TRIM37: variants seen among roughly 807,000 people sequenced by gnomAD.
TRIM37 encodes tripartite motif containing 37.
Under a neutral mutation model 129.8 loss-of-function variants are expected in TRIM37, and 80 were observed. The ratio of observed to expected loss-of-function variants is 0.62; its 90% CI spans 0.51 to 0.74. The LOEUF (loss-of-function observed/expected upper bound fraction) is 0.74, where lower values mean the gene tolerates loss of function less well. TRIM37 is among the 30% of genes least tolerant of loss of function. The probability of loss-of-function intolerance (pLI) is 0.00; values close to 1 mark genes in which losing one functional copy is unlikely to be tolerated. For synonymous variants in TRIM37, 389 were observed against 387.1 expected (o/e 1.00, Z -0.06); for missense variants, 1,054 against 1,176.5 (o/e 0.90, Z 1.52).
At chr17:59,047,845 C>G (rs768652781) in intron 15 of TRIM37, 26 bp from the exon 16 acceptor site, 1 of 1,613,028 alleles carries the variant, frequency 6.2e-7, no homozygotes. Flanking sequence ...GAAAACAAGA[C>G]GTCTATTCCA....
intron 24 of TRIM37, among the ~76,000 whole-genome samples, chr17:58,991,724 T>C (rs139370161): frequency 7.8e-4 from 119 of 152,238 alleles, no homozygotes; most frequent in South Asian, 4.6e-3. Flanking sequence ...GCTCAGTTGG[T>C]TAGAAGAAAA....
chr17:59,095,811 T>G (rs959309139), intron 2 of TRIM37, among the ~76,000 whole-genome samples: 1 of 152,172 alleles, frequency 6.6e-6, no homozygotes, highest in Admixed American at 6.5e-5. Flanking sequence ...CTCAACCTCT[T>G]CATCTCAAGA....
chr17:59,050,972 T>G (rs1336000589), intron 14 of TRIM37, among the ~76,000 whole-genome samples: 1 of 151,976 alleles, frequency 6.6e-6, no homozygotes, highest in African/African-American at 2.4e-5. Flanking sequence ...AGAGCGAGAC[T>G]CCTTCTCAAA....
At chr17:58,995,733 G>C (rs1029313800), downstream of TRIM37, among the ~76,000 whole-genome samples, 2 of 152,144 alleles carry the variant, frequency 1.3e-5, no homozygotes, top group African/African-American at 4.8e-5. Context: ...GCTAAAATTC[G>C]TAAGCAAGAG....
intron 17 of TRIM37, among the ~76,000 whole-genome samples, chr17:59,032,450 G>A (rs933370549): frequency 1.3e-5 from 2 of 150,566 alleles, no homozygotes; most frequent in African/African-American, 2.4e-5. Flanking sequence ...GCGTGAACCC[G>A]GGAAGCGGAG....
At chr17:58,967,346 CTA>C in the TRIM37 span, among the ~76,000 whole-genome samples, 35 of 152,154 alleles carry the variant, frequency 2.3e-4, no homozygotes, top group Non-Finnish European at 8.8e-5. Flanking sequence ...GGAATGATAA[CTA>C]TGATATGCTC....
intron 9 of TRIM37, among the ~76,000 whole-genome samples, chr17:59,069,262 G>A (rs2042170369): frequency 6.6e-6 from 1 of 151,998 alleles, no homozygotes; most frequent in African/African-American, 2.4e-5. Flanking sequence ...TGTGAGAATT[G>A]CTTGAATCCG....
chr17:59,058,732 T>C (rs1235076217), intron 12 of TRIM37, among the ~76,000 whole-genome samples: 1 of 151,878 alleles, frequency 6.6e-6, no homozygotes, highest in Non-Finnish European at 1.5e-5. Flanking sequence ...GGTACGGTAG[T>C]GCATTCCTGT....
At chr17:59,039,448 G>A (rs8082334) in intron 17 of TRIM37, among the ~76,000 whole-genome samples, 36,628 of 151,472 alleles carry the variant, frequency 0.24, 4,740 homozygotes, top group African/African-American at 0.33. Context: ...CCAGGTTCAC[G>A]ACATTCTCCT....
chr17:59,056,936 G>A lies in TRIM37; in HGVS notation c.1138C>T (p.Arg380Cys), dbSNP rs751146562. The change falls in exon 13 of 24, where the codon CGT becomes TGT. Residue 380 changes from arginine to cysteine, a missense_variant. By Grantham distance (180) the Arg-to-Cys change is radical. Around this residue, in one of 3 missense-constraint regions of TRIM37, gnomAD observed 752 missense variants for 870.8 expected, o/e 0.86. Coordinates refer to ENST00000262294, the MANE Select transcript of TRIM37 (RefSeq NM_015294.6). ...CCTTCATTTGCGAGTAAGTCCAAAC[G>A]GAAAAATCTATTATAGCCCCAGCAT... The part of the protein sequence containing the change: ...GECWGYNRFF[R>C]LDLLANEGYL... The A allele has an allele frequency of 6.4e-5, 104 of 1,613,622 alleles. No homozygotes were observed. Among genetic ancestry groups the A allele is most frequent in the African/African-American group, 8.0e-5 (6 of 74,952 alleles).
chr17:59,102,784 CTG>C (rs1462871995), intron 2 of TRIM37, among the ~76,000 whole-genome samples: 1 of 152,150 alleles, frequency 6.6e-6, no homozygotes, highest in African/African-American at 2.4e-5. Flanking sequence ...CAATTGTGAG[CTG>C]TGTGACTAGA....
rs1411019298 is a variant in TRIM37 at position 59,028,410 on chromosome 17, C to T, written c.2257+5G>A. 1 of 1,610,238 alleles carries T rather than the reference C, an allele frequency of 6.2e-7. No homozygotes were observed. The highest frequency in any genetic ancestry group is 8.5e-7 in the Non-Finnish European group (1 of 1,179,880). ...GAGAAATGACACTGGGAACATATTA[C>T]TTACAGTTTCGTATGTAACAATTGG... On this transcript the variant is annotated splice_donor_5th_base_variant and intron_variant, in intron 19 of 23. Transcript: ENST00000262294.
At position 59,049,492 on chromosome 17, in the gene TRIM37, C is replaced by G. The variant is rs752855836; in HGVS notation, c.1315-99G>C. On this transcript the variant is annotated intron_variant, in intron 14 of 23. Coordinates refer to ENST00000262294, the MANE Select transcript of TRIM37 (RefSeq NM_015294.6). ...AAATGCATCCAGATGTTTCTAAAAC[C>G]ATTGCTTTATTTATTTTTTGAGAAT... 305 of 1,048,078 alleles carry G rather than the reference C, an allele frequency of 2.9e-4. 1 individual carries two copies. The highest frequency in any genetic ancestry group is 5.2e-5 in the Non-Finnish European group (36 of 695,416). The allele number at this position is 1,048,078 out of a possible 1,614,324, so 64.9% of individuals were successfully genotyped here.
chr17:59,095,409 G>A (rs550466270), intron 2 of TRIM37, among the ~76,000 whole-genome samples: 2 of 152,334 alleles, frequency 1.3e-5, no homozygotes, highest in Admixed American at 6.5e-5. Flanking sequence ...CAGGAGCTAT[G>A]TGAGTAGTGT....
chr17:59,088,121 CAAT>C, intron 4 of TRIM37, 167 bp downstream of exon 4: 1 of 625,186 alleles, frequency 1.6e-6, no homozygotes. Context: ...TAAATAAACA[CAAT>C]AAGAATATGT....
intron 17 of TRIM37, among the ~76,000 whole-genome samples, chr17:59,037,741 A>T (rs1253500349): frequency 6.6e-6 from 1 of 152,012 alleles, no homozygotes; most frequent in Admixed American, 6.6e-5. Context: ...ACCAATACTG[A>T]TATATTATTA....
chr17:59,037,359 C>G (rs1357421922), intron 17 of TRIM37, among the ~76,000 whole-genome samples: 2 of 151,510 alleles, frequency 1.3e-5, no homozygotes, highest in Non-Finnish European at 2.9e-5. Flanking sequence ...GAGATCGAGA[C>G]CATCCTGGCT....
intron 22 of TRIM37, among the ~76,000 whole-genome samples, chr17:59,004,443 G>A (rs1224968661): frequency 2.6e-5 from 4 of 151,556 alleles, no homozygotes; most frequent in African/African-American, 9.7e-5. Context: ...TAAAAGGAAG[G>A]AAATAATAAA....
At chr17:59,064,264 G>T in intron 10 of TRIM37, 91 bp downstream of exon 10, 3 of 952,818 alleles carry the variant, frequency 3.1e-6, no homozygotes, top group Non-Finnish European at 4.9e-6. Context: ...GAGTGACACA[G>T]TTCACTAGAT....
Sources: allele counts gnomAD v4.1 joint callset (sites outside exome capture counted in the v4.1 genomes callset), GRCh38; gene constraint gnomAD v4.1.1; regional missense constraint gnomAD v4.1.1; transcripts MANE v1.5; gene names NCBI Gene and HGNC (gene_info 2026-07-23, HGNC 2026-07-21).